The following CNTN2 variants were observed in gnomAD, a reference collection of about 807,000 sequenced individuals.
CNTN2 encodes contactin-2.
Under a neutral mutation model 117.5 loss-of-function variants are expected in CNTN2, and 53 were observed. The ratio of observed to expected loss-of-function variants is 0.45; its 90% CI spans 0.36 to 0.57. The LOEUF (loss-of-function observed/expected upper bound fraction) is 0.57. Ranked by LOEUF, CNTN2 falls within the 20% of genes least tolerant of loss-of-function variation. The pLI is 0.00. For synonymous variants in CNTN2, 530 were observed against 561.7 expected (o/e 0.94, Z 0.80); for missense variants, 1,106 against 1,404.3 (o/e 0.79, Z 3.39).
At chr1:205,067,407 G>C in intron 16 of CNTN2, 157 bp downstream of exon 16, 1 of 837,110 alleles carries the variant, frequency 1.2e-6, no homozygotes, top group Non-Finnish European at 1.8e-6. Context: ...ACCAAGTTGG[G>C]ACCAGGGCCA....
Position 205,073,008 on chromosome 1 carries a change from G to A in CNTN2, c.2845-60G>A, listed in dbSNP as rs372767526. 1 of 1,581,812 alleles carries A rather than the reference G, an allele frequency of 6.3e-7. No individual in the cohort carries two copies. On this transcript the variant is annotated intron_variant, in intron 21 of 22. Transcript: ENST00000331830. This position sits in a 1 kb window ranked among gnomAD's most constrained non-coding sequence, Gnocchi z 6.3. ...TCTCCTCCCAGTACCTAAAGCTGGG[G>A]ATGACTCAACGATCAGCCCTGGTGT... is the stretch of plus-strand genomic sequence containing the variant.
chr1:205,058,651 G>C lies in CNTN2; in HGVS notation c.475G>C (p.Ala159Pro). 1.2e-6 allele frequency: 2 copies of C among 1,613,796 alleles called. No individual in the cohort carries two copies. Among genetic ancestry groups the C allele is most frequent in the Non-Finnish European group, 1.7e-6 (2 of 1,179,882 alleles). The change falls in exon 5 of 23, where the codon GCC becomes CCC. Residue 159 changes from alanine to proline, a missense_variant. By Grantham distance (27) the Ala-to-Pro change is conservative. Coordinates refer to ENST00000331830, the MANE Select transcript of CNTN2 (RefSeq NM_005076.5). The surrounding 1 kb of genome is among the most constrained non-coding windows in gnomAD (Gnocchi z 4.3). ...GGTGATGTTGCCCTGTAACCCACCTGCCCACTACCCAGGTGAGTCCAGACC... is the reference window on the plus strand; with the variant it reads ...GGTGATGTTGCCCTGTAACCCACCTCCCCACTACCCAGGTGAGTCCAGACC... ...WGVMLPCNPP[A>P]HYPGLSYRWL...
Position 205,070,547 on chromosome 1 carries a change from CA to C in CNTN2, c.2544+11del. The C allele has an allele frequency of 6.3e-7, 1 of 1,597,852 alleles. No individual in the cohort carries two copies. The highest frequency in any genetic ancestry group is 1.7e-5 in the Admixed American group (1 of 59,770). Reference sequence around the variant, plus strand: ...TCCTCCTGGGGTATGAGGTGAGCACCAACCTGGGACTTGGGAGAGGAAGGGG... The same window carrying C: ...TCCTCCTGGGGTATGAGGTGAGCACCACCTGGGACTTGGGAGAGGAAGGGG... On this transcript the variant is annotated intron_variant, in intron 19 of 22. Transcript: ENST00000331830.
At chr1:205,072,432 GGGGTGCCA>G in intron 20 of CNTN2, 43 bp from the exon 21 acceptor site, 1 of 1,492,042 alleles carries the variant, frequency 6.7e-7, no homozygotes, top group Non-Finnish European at 9.3e-7. Flanking sequence ...GAGGGGGTGC[GGGGTGCCA>G]GGGAAACGTT....
intron 16 of CNTN2, chr1:205,067,799 C>A (rs1654375032): frequency 6.6e-6 from 1 of 152,476 alleles, no homozygotes; most frequent in Non-Finnish European, 1.5e-5. Context: ...TGGTGACACA[C>A]ACCTGTAAAT....
chr1:205,070,643 C>A, intron 19 of CNTN2, 105 bp downstream of exon 19: 2 of 780,092 alleles, frequency 2.6e-6, no homozygotes. Flanking sequence ...GTCCCTGGTT[C>A]GCTGACATGG....
intron 20 of CNTN2, 51 bp downstream of exon 20, chr1:205,072,184 T>G (rs774536880): frequency 1.3e-6 from 2 of 1,518,852 alleles, no homozygotes; most frequent in South Asian, 1.3e-5. Flanking sequence ...GGAGGGTGGG[T>G]GCCTCTGAGA....
chr1:205,055,465 C>G (rs1014874248), intron 2 of CNTN2, among the ~76,000 whole-genome samples: 1 of 152,116 alleles, frequency 6.6e-6, no homozygotes, highest in African/African-American at 2.4e-5. Context: ...GGTGGTACTA[C>G]GCTGGGGATA....
At chr1:205,045,043 C>T (rs2096439093) in intron 1 of CNTN2, among the ~76,000 whole-genome samples, 1 of 152,156 alleles carries the variant, frequency 6.6e-6, no homozygotes, top group African/African-American at 2.4e-5. Flanking sequence ...GGAAAGGGCC[C>T]CTGACCTGAT....
In CNTN2 at chr1:205,058,226, T is replaced by C. The variant is rs767771094; in HGVS notation, c.261T>C (p.Arg87=). 110 of 1,572,074 alleles carry C rather than the reference T, an allele frequency of 7.0e-5. No individual in the cohort carries two copies. Among genetic ancestry groups the C allele is most frequent in the Non-Finnish European group, 8.9e-5 (103 of 1,159,456 alleles). ...GTEMKLEPGS[R]HQLVGGNLVI... ...AGATGAAGCTGGAGCCAGGTTCCCG[T>C]CACCAGCTGGTGGGGGGCAACCTGG... The change falls in exon 4 of 23, where the codon CGT becomes CGC. Residue 87 remains arginine, a synonymous_variant. Transcript: ENST00000331830. The surrounding 1 kb of genome is among the most constrained non-coding windows in gnomAD (Gnocchi z 4.3).
chr1:205,066,639 C>T (rs375227210), intron 15 of CNTN2, 40 bp downstream of exon 15: 123 of 1,606,160 alleles, frequency 7.7e-5, no homozygotes, highest in Non-Finnish European at 1.0e-4. Flanking sequence ...TGATAAGGCT[C>T]GACTGGGTGT....
chr1:205,051,924 G>A (rs927236760), intron 1 of CNTN2, among the ~76,000 whole-genome samples: 4 of 152,132 alleles, frequency 2.6e-5, no homozygotes, highest in Admixed American at 6.5e-5. Context: ...TTCTCCACAC[G>A]GGTCCCCATC....
In CNTN2 at chr1:205,061,906, G is replaced by A. The variant is rs1253351350; in HGVS notation, c.1015G>A (p.Asp339Asn). ...WLKVISDTEADIGSNLRWGCA... is the reference protein window; with the variant it reads ...WLKVISDTEANIGSNLRWGCA... The stretch of plus-strand genomic sequence containing the variant: ...AAAAGTGATCTCGGACACAGAGGCT[G>A]ACATTGGCTCCAACCTGCGTTGGGG... Residue 339 changes from aspartate (D) to asparagine (N), a missense_variant, in exon 9 of 23, where the codon GAC becomes AAC. Physicochemically the swap from Asp to Asn is conservative, Grantham distance 23 (BLOSUM62 1). Transcript: ENST00000331830. This position sits in a 1 kb window ranked among gnomAD's most constrained non-coding sequence, Gnocchi z 4.8. The A allele has an allele frequency of 1.3e-6, 2 of 1,589,132 alleles. No homozygotes were observed. The highest frequency in any genetic ancestry group is 3.5e-5 in the Admixed American group (2 of 56,434).
In CNTN2 at chr1:205,049,671, A is replaced by C. The variant is rs1276002171; in HGVS notation, c.-86-3429A>C. Among the ~76,000 whole-genome samples, 4 of 152,276 alleles carry C rather than the reference A, an allele frequency of 2.6e-5. No homozygotes were observed. In the East Asian group the frequency reaches 7.8e-4, roughly 30 times the overall value. On this transcript the variant is annotated intron_variant, in intron 1 of 22. Transcript: ENST00000331830. ...CTCCCCAGGCCAGCACCCTGCCCCC[A>C]GTGAGCTCCCGGGCCTGACAGGCTG... is the stretch of plus-strand genomic sequence containing the variant.
At chr1:205,043,599 G>A (rs2096435876) in intron 1 of CNTN2, among the ~76,000 whole-genome samples, 1 of 152,156 alleles carries the variant, frequency 6.6e-6, no homozygotes, top group Admixed American at 6.5e-5. Context: ...CCCTGTCTAC[G>A]TGGGCGGCAT....
Position 205,050,053 on chromosome 1 carries a change from T to C in CNTN2, c.-86-3047T>C, listed in dbSNP as rs140262344. The stretch of plus-strand genomic sequence containing the variant: ...AAAGTGCATGTTACAATCTCCACTT[T>C]GCACATGAGAAAACTGAGGCTTCAC... On this transcript the variant is annotated intron_variant, in intron 1 of 22. Coordinates refer to ENST00000331830, the MANE Select transcript of CNTN2 (RefSeq NM_005076.5). 5.3e-4 allele frequency among the ~76,000 whole-genome samples: 80 copies of C among 152,320 alleles called. 2 individuals carry two copies. The highest frequency in any genetic ancestry group is 1.8e-3 in the African/African-American group (76 of 41,570).
In CNTN2 at chr1:205,053,177, A is replaced by C. The variant is rs2096455875; in HGVS notation, c.-9A>C. 1 of 1,611,148 alleles carries C rather than the reference A, an allele frequency of 6.2e-7. No individual in the cohort carries two copies. Among genetic ancestry groups the C allele is most frequent in the South Asian group, 1.1e-5 (1 of 90,632 alleles). On this transcript the variant is annotated 5_prime_UTR_variant, in exon 2 of 23. Coordinates refer to ENST00000331830, the MANE Select transcript of CNTN2 (RefSeq NM_005076.5). ...TCCTCCGATCCCCACCTCTGCCCGGACATCCACCATGGGGACAGCCACCAG... is the reference window on the plus strand; with the variant it reads ...TCCTCCGATCCCCACCTCTGCCCGGCCATCCACCATGGGGACAGCCACCAG...
At chr1:205,051,433 T>C (rs974287353) in intron 1 of CNTN2, among the ~76,000 whole-genome samples, 1 of 152,192 alleles carries the variant, frequency 6.6e-6, no homozygotes. Context: ...AAGATGGATG[T>C]GCTGGGGGAA....
chr1:205,051,475 G>C (rs1347413847), intron 1 of CNTN2, among the ~76,000 whole-genome samples: 1 of 152,200 alleles, frequency 6.6e-6, no homozygotes, highest in Non-Finnish European at 1.5e-5. Flanking sequence ...AGAATGTCTT[G>C]AGTTCAAGTC....
Sources: allele counts gnomAD v4.1 joint callset (sites outside exome capture counted in the v4.1 genomes callset), GRCh38; gene constraint gnomAD v4.1.1; non-coding constraint Gnocchi (gnomAD v3.1); transcripts MANE v1.5; gene names NCBI Gene and HGNC (gene_info 2026-07-23, HGNC 2026-07-21).